SLC46A1: variants seen among roughly 807,000 people sequenced by gnomAD.
The protein encoded by SLC46A1 is proton-coupled folate transporter.
In SLC46A1, 17 loss-of-function variants were observed where a neutral mutation model predicts 32.1. That is an observed-to-expected ratio of 0.53 (90% CI 0.36 to 0.79). The LOEUF (loss-of-function observed/expected upper bound fraction) is 0.79, where lower values mean the gene tolerates loss of function less well. Ranked by LOEUF, SLC46A1 falls within the 30% of genes least tolerant of loss-of-function variation. SLC46A1 has a pLI of 0.00. For synonymous variants in SLC46A1, 240 were observed against 262.7 expected (o/e 0.91, Z 0.84); for missense variants, 517 against 588.2 (o/e 0.88, Z 1.25).
At chr17:28,399,888 G>T in intron 4 of SLC46A1, 175 bp from the exon 5 acceptor site, 1 of 650,228 alleles carries the variant, frequency 1.5e-6, no homozygotes. Context: ...ACATGGCTCT[G>T]GAAAATAACT....
At chr17:28,402,422 G>T in intron 2 of SLC46A1, 101 bp from the exon 3 acceptor site, 2 of 947,176 alleles carry the variant, frequency 2.1e-6, no homozygotes, top group Non-Finnish European at 3.3e-6. Context: ...TGGGGCTTAG[G>T]TTAGACCCAG....
At chr17:28,399,919 G>C in intron 4 of SLC46A1, 1 of 564,156 alleles carries the variant, frequency 1.8e-6, no homozygotes, top group Non-Finnish European at 3.2e-6. Flanking sequence ...TAAGAGACAG[G>C]GTCTTGCTCT....
chr17:28,400,085 A>T (rs1178965977), intron 4 of SLC46A1: 3 of 267,832 alleles, frequency 1.1e-5, no homozygotes, highest in African/African-American at 6.7e-5. Context: ...TATACAGACA[A>T]GGTCTTGCTA....
At chr17:28,399,873 C>G (rs2068175284) in intron 4 of SLC46A1, 160 bp from the exon 5 acceptor site, 2 of 716,510 alleles carry the variant, frequency 2.8e-6, no homozygotes, top group Non-Finnish European at 5.0e-6. Context: ...GGACAATATC[C>G]AGGGACATGG....
Position 28,404,213 on chromosome 17 carries a change from A to G in SLC46A1, c.1081+403T>C, listed in dbSNP as rs201800546. 4.2e-5 allele frequency: 8 copies of G among 192,544 alleles called. No individual in the cohort carries two copies. The East Asian group carries it at 1.1e-3, about 27-fold the overall frequency. 11.9% of individuals were successfully genotyped at this position (192,544 alleles called of 1,614,324 possible). On this transcript the variant is annotated intron_variant, in intron 2 of 4. Transcript: ENST00000612814. ...TTAAAAAACCCAAAGAAGCTGACTAAGGGTATTTGAGGTAGGTCCTGTGAT... is the reference window on the plus strand; with the variant it reads ...TTAAAAAACCCAAAGAAGCTGACTAGGGGTATTTGAGGTAGGTCCTGTGAT...
At position 28,396,432 on chromosome 17, in the gene SLC46A1, A is replaced by C. The variant is rs2068125006; in HGVS notation, c.*3224T>G. On this transcript the variant is annotated 3_prime_UTR_variant, in exon 5 of 5. Coordinates refer to ENST00000612814, the MANE Select transcript of SLC46A1 (RefSeq NM_080669.6). ...CTCCCTCCCCCTGTCCCCCACCCTC[A>C]TGGCCCACCTCCAACCCACTTTCCT... 3.4e-6 allele frequency: 3 copies of C among 895,358 alleles called. No individual in the cohort carries two copies. The highest frequency in any genetic ancestry group is 2.4e-5 in the Admixed American group (1 of 41,104). The allele number at this position is 895,358 out of a possible 1,614,324, so 55.5% of individuals were successfully genotyped here. A position where few individuals can be genotyped will look rare whatever the true frequency, so the allele number is the denominator to read the frequency against.
At chr17:28,404,169 G>A (rs1366002883) in intron 2 of SLC46A1, 1 of 165,296 alleles carries the variant, frequency 6.0e-6, no homozygotes, top group East Asian at 1.7e-4. Flanking sequence ...TCATATCTGT[G>A]GTCCGAGAAG....
rs1555591082 is a variant in SLC46A1 at position 28,405,454 on chromosome 17, A to G, written c.243T>C (p.Leu81=). Residue 81 remains leucine (L), a synonymous_variant, in exon 2 of 5, where the codon CTT becomes CTC. Transcript: ENST00000612814. ...ADPTMQEVET[L]TSHWTLYMNV... is the part of the protein sequence containing the mutation. ...TCATGTAGAGGGTCCAGTGGGAGGTAAGGGTCTCCACTTCCTGTAGGGGCA... is the reference window on the plus strand; with the variant it reads ...TCATGTAGAGGGTCCAGTGGGAGGTGAGGGTCTCCACTTCCTGTAGGGGCA... The G allele has an allele frequency of 1.9e-6, 3 of 1,596,878 alleles. No homozygotes were observed.
chr17:28,401,108 T>C (rs1555589529), intron 3 of SLC46A1: 1 of 352,666 alleles, frequency 2.8e-6, no homozygotes, highest in African/African-American at 2.1e-5. Flanking sequence ...TTATCCTCTT[T>C]GGAATCATCT....
Position 28,402,137 on chromosome 17 carries a change from G to C in SLC46A1, c.1165+101C>G, listed in dbSNP as rs41297101. Reference sequence around the variant, plus strand: ...GGCCACTTACTTCTCCAGGGTGAGAGGGGGGAAGGCAAGCTGTTCCCCCAG... The same window carrying C: ...GGCCACTTACTTCTCCAGGGTGAGACGGGGGAAGGCAAGCTGTTCCCCCAG... On this transcript the variant is annotated intron_variant, in intron 3 of 4. Transcript: ENST00000612814. The C allele has an allele frequency of 4.9e-5, 48 of 979,734 alleles. No individual in the cohort carries two copies. The African/African-American group carries it at 6.6e-4, about 14-fold the overall frequency. The allele number at this position is 979,734 out of a possible 1,614,324, so 60.7% of individuals were successfully genotyped here. A position where few individuals can be genotyped will look rare whatever the true frequency, so the allele number is the denominator to read the frequency against.
chr17:28,402,236 A>G lies in SLC46A1; in HGVS notation c.1165+2T>C, dbSNP rs1555589766. 6.2e-7 allele frequency: 1 copy of G among 1,612,010 alleles called. No homozygotes were observed. The highest frequency in any genetic ancestry group is 1.7e-5 in the Admixed American group (1 of 59,790). On this transcript the variant is annotated splice_donor_variant, in intron 3 of 4. Transcript: ENST00000612814. LOFTEE classifies it high-confidence loss of function. The stretch of plus-strand genomic sequence containing the variant: ...CAGACACAGGTGGGTTCTGACACTC[A>G]CCCTGCTCTGTCTCTCTCACCAGCT...
Position 28,400,594 on chromosome 17 carries a change from C to T in SLC46A1, c.1322+16G>A. The stretch of plus-strand genomic sequence containing the variant: ...AAGGGCTCCATTATGAGCATGGGTT[C>T]AGGGCCCTGCATTACCCAATCAGAA... On this transcript the variant is annotated intron_variant, in intron 4 of 4. Coordinates refer to ENST00000612814, the MANE Select transcript of SLC46A1 (RefSeq NM_080669.6). 1.2e-6 allele frequency: 2 copies of T among 1,613,446 alleles called. No homozygotes were observed. The highest frequency in any genetic ancestry group is 1.7e-6 in the Non-Finnish European group (2 of 1,179,704).
chr17:28,396,192 A>G lies in SLC46A1; in HGVS notation c.*3464T>C, dbSNP rs2068120584. The G allele has an allele frequency of 3.7e-6, 6 of 1,613,848 alleles. No individual in the cohort carries two copies. Among genetic ancestry groups the G allele is most frequent in the Non-Finnish European group, 5.1e-6 (6 of 1,179,870 alleles). ...GAATACCAGGAGGCCACCATTGAGAAGATCATCCGCTTCCTGCAGGGCCGC... is the reference window on the plus strand; with the variant it reads ...GAATACCAGGAGGCCACCATTGAGAGGATCATCCGCTTCCTGCAGGGCCGC... On this transcript the variant is annotated 3_prime_UTR_variant, in exon 5 of 5. Coordinates refer to ENST00000612814, the MANE Select transcript of SLC46A1 (RefSeq NM_080669.6).
Position 28,404,753 on chromosome 17 carries a change from T to C in SLC46A1, c.944A>G (p.Tyr315Cys). ...GYGSAAQHLP[Y>C]LTSLLALKLL... ...CTTCAGGGCCAGCAGGCTGGTGAGG[T>C]AGGGGAGATGCTGAGCTGCAGAACC... The change falls in exon 2 of 5, where the codon TAC becomes TGC. Residue 315 changes from tyrosine (Y) to cysteine (C), a missense_variant. Coordinates refer to ENST00000612814, the MANE Select transcript of SLC46A1 (RefSeq NM_080669.6). The C allele has an allele frequency of 6.2e-7, 1 of 1,613,638 alleles. No individual in the cohort carries two copies. Among genetic ancestry groups the C allele is most frequent in the Non-Finnish European group, 8.5e-7 (1 of 1,179,792 alleles).
rs2068151576 is a variant in SLC46A1, at chr17:28,397,977, T to TGTCTTG, written c.*1678_*1679insCAAGAC. On this transcript the variant is annotated 3_prime_UTR_variant, in exon 5 of 5. Coordinates refer to ENST00000612814, the MANE Select transcript of SLC46A1 (RefSeq NM_080669.6). The stretch of plus-strand genomic sequence containing the variant: ...GGCTCCTTCCTTCCACTCCCCTCCC[T>TGTCTTG]GCCAGAGTCTGTCTTGGCCAGTGCC... 2 of 152,648 alleles carry TGTCTTG rather than the reference T, an allele frequency of 1.3e-5. No homozygotes were observed. The highest frequency in any genetic ancestry group is 1.3e-4 in the Admixed American group (2 of 15,282). 9.5% of individuals were successfully genotyped at this position (152,648 alleles called of 1,614,324 possible). A position where few individuals can be genotyped will look rare whatever the true frequency, so the allele number is the denominator to read the frequency against.
Position 28,395,769 on chromosome 17 carries a change from A to C in SLC46A1, c.*3887T>G, listed in dbSNP as rs2068113402. On this transcript the variant is annotated 3_prime_UTR_variant, in exon 5 of 5. Coordinates refer to ENST00000612814, the MANE Select transcript of SLC46A1 (RefSeq NM_080669.6). ...TATTACACTACAAGGGTTAAGGTAGACATCAAGGTGGACATCAGGACTGGT... is the reference window on the plus strand; with the variant it reads ...TATTACACTACAAGGGTTAAGGTAGCCATCAAGGTGGACATCAGGACTGGT... 7.2e-6 allele frequency: 6 copies of C among 830,400 alleles called. No individual in the cohort carries two copies. Among genetic ancestry groups the C allele is most frequent in the Middle Eastern group, 2.6e-4 (1 of 3,822 alleles). 51.4% of individuals were successfully genotyped at this position (830,400 alleles called of 1,614,324 possible). A position where few individuals can be genotyped will look rare whatever the true frequency, so the allele number is the denominator to read the frequency against.
intron 2 of SLC46A1, 171 bp downstream of exon 2, chr17:28,404,445 G>T (rs1555590313): frequency 1.3e-6 from 1 of 795,046 alleles, no homozygotes; most frequent in Non-Finnish European, 2.0e-6. Context: ...ATGTATCAAA[G>T]ATGGCATTTT....
chr17:28,400,563 A>G (rs1392046870), intron 4 of SLC46A1, 47 bp downstream of exon 4: 4 of 1,605,430 alleles, frequency 2.5e-6, no homozygotes, highest in Non-Finnish European at 3.4e-6. Context: ...GGAAACTTTT[A>G]AGAGAAAGGG....
rs933002862 is a variant in SLC46A1 at position 28,398,770 on chromosome 17, G to C, written c.*886C>G. On this transcript the variant is annotated 3_prime_UTR_variant, in exon 5 of 5. Transcript: ENST00000612814. ...AAGTGGGAAGTATCTCAGAGAATCA[G>C]CTAAGTTTCCTAACTTGTCCATCCA... 6.6e-6 allele frequency: 1 copy of C among 152,278 alleles called. No individual in the cohort carries two copies. The highest frequency in any genetic ancestry group is 2.4e-5 in the African/African-American group (1 of 41,466). The allele number at this position is 152,278 out of a possible 1,614,324, so 9.4% of individuals were successfully genotyped here.
Sources: gnomAD v4.1 joint callset for allele counts on GRCh38, gnomAD v4.1.1 for gene constraint, MANE v1.5 for transcripts, NCBI Gene and HGNC (gene_info 2026-07-23, HGNC 2026-07-21) for gene names.